Variants in PUDP observed in about 807,000 individuals in gnomAD.
PUDP encodes pseudouridine-5'-phosphatase.
Under a neutral mutation model 9.4 loss-of-function variants are expected in PUDP, and 8 were observed. The observed-to-expected ratio is 0.85, with a 90% CI of 0.50 to 1.53. PUDP has a LOEUF of 1.53. Among genes scored for constraint, PUDP ranks in the 40% most tolerant of loss-of-function variants. The pLI, the probability that PUDP is intolerant of heterozygous loss-of-function variation, is 0.00. For synonymous variants in PUDP, 99 were observed against 80.7 expected (o/e 1.23, Z -1.22); for missense variants, 188 against 189.7 (o/e 0.99, Z 0.05).
chrX:7,112,113 AAC>A (rs1198352439), intron 1 of PUDP, among the ~76,000 whole-genome samples: 2 of 111,939 alleles, frequency 1.8e-5, no homozygotes, highest in Non-Finnish European at 3.8e-5. Flanking sequence ...CAGAGGAACA[AAC>A]ACAGCCTCTG....
At chrX:6,869,318 A>T (rs1927137516) in intron 3 of PUDP, among the ~76,000 whole-genome samples, 1 of 112,015 alleles carries the variant, frequency 8.9e-6, no homozygotes, top group African/African-American at 3.2e-5. Context: ...CTGCTCCATG[A>T]TGTCTACGGC....
At chrX:6,884,668 G>A (rs777096364) in intron 3 of PUDP, among the ~76,000 whole-genome samples, 2 of 111,897 alleles carry the variant, frequency 1.8e-5, no homozygotes, top group African/African-American at 6.5e-5. Context: ...AACCGAAAGC[G>A]CTAAGCCCAG....
At chrX:6,759,073 T>C (rs955064844) in intron 3 of PUDP, among the ~76,000 whole-genome samples, 39 of 111,920 alleles carry the variant, frequency 3.5e-4, no homozygotes, top group African/African-American at 1.2e-3. Flanking sequence ...GGCTGTGAGC[T>C]TCCCTACTTA....
upstream of PUDP, among the ~76,000 whole-genome samples, chrX:6,725,040 G>A: frequency 8.9e-6 from 1 of 111,818 alleles, no homozygotes; most frequent in Non-Finnish European, 1.9e-5. Context: ...CCCATGGTCT[G>A]TAAACGCTTC....
At chrX:6,970,356 G>A (rs1260082412) in intron 3 of PUDP, among the ~76,000 whole-genome samples, 1 of 111,583 alleles carries the variant, frequency 9.0e-6, no homozygotes, top group African/African-American at 3.3e-5. Flanking sequence ...ATCTGCAAAG[G>A]GCCTTTTAAA....
At chrX:7,140,726 A>G (rs908644020) in intron 1 of PUDP, among the ~76,000 whole-genome samples, 12 of 111,963 alleles carry the variant, frequency 1.1e-4, no homozygotes, top group African/African-American at 3.9e-4. Context: ...TTATACAGGC[A>G]TATCTTATTT....
At chrX:6,982,509 G>A (rs1929049982) in intron 1 of PUDP, among the ~76,000 whole-genome samples, 1 of 109,118 alleles carries the variant, frequency 9.2e-6, no homozygotes, top group Non-Finnish European at 1.9e-5. Flanking sequence ...GTTGAGTCAC[G>A]GGTCCAGGTG....
At chrX:7,106,941 TC>T (rs1248816106) in intron 1 of PUDP, among the ~76,000 whole-genome samples, 1 of 110,460 alleles carries the variant, frequency 9.1e-6, no homozygotes, top group African/African-American at 3.3e-5. Flanking sequence ...CTGATGACAA[TC>T]CCCCCAAGGC....
intron 3 of PUDP, among the ~76,000 whole-genome samples, chrX:6,880,605 C>T (rs1177104414): frequency 8.9e-6 from 1 of 112,263 alleles, no homozygotes; most frequent in Non-Finnish European, 1.9e-5. Context: ...AATTACCAAT[C>T]TTACTCTATG....
chrX:7,006,350 G>A (rs761475006), intron 1 of PUDP, among the ~76,000 whole-genome samples: 1 of 111,742 alleles, frequency 8.9e-6, no homozygotes, highest in East Asian at 2.8e-4. Context: ...TTATTTTCCG[G>A]GGTTTTTGCT....
chrX:7,072,657 TA>T (rs200270413), intron 3 of PUDP, among the ~76,000 whole-genome samples: 2,502 of 108,185 alleles, frequency 0.023, 48 homozygotes, highest in African/African-American at 0.05. Flanking sequence ...CTACTAAAAA[TA>T]AAAAAATTAG....
At chrX:6,977,450 C>T (rs1465476355) in intron 2 of PUDP, among the ~76,000 whole-genome samples, 1 of 112,149 alleles carries the variant, frequency 8.9e-6, no homozygotes, top group Non-Finnish European at 1.9e-5. Flanking sequence ...TTGACATGTA[C>T]CTCTTCTAGT....
intron 2 of PUDP, among the ~76,000 whole-genome samples, chrX:7,096,136 C>T (rs1425416823): frequency 1.8e-5 from 2 of 111,591 alleles, no homozygotes; most frequent in Admixed American, 1.9e-4. Context: ...CAGGGATCCA[C>T]AGTGACAATT....
At chrX:7,136,215 C>G (rs1932737743) in intron 1 of PUDP, among the ~76,000 whole-genome samples, 1 of 111,935 alleles carries the variant, frequency 8.9e-6, no homozygotes, top group African/African-American at 3.3e-5. Context: ...CCCTCTGAAA[C>G]TGCTAGAGGT....
chrX:6,740,589 CTT>C (rs775894505), intron 3 of PUDP, among the ~76,000 whole-genome samples: 1,308 of 111,361 alleles, frequency 0.012, 10 homozygotes, highest in Non-Finnish European at 0.019. Context: ...ATTGTAATCA[CTT>C]TTTCCTTTTC....
intron 1 of PUDP, among the ~76,000 whole-genome samples, chrX:7,132,133 G>A (rs1484186916): frequency 1.8e-5 from 2 of 111,059 alleles, no homozygotes; most frequent in African/African-American, 6.6e-5. Context: ...CAGGGATGCT[G>A]TTGTATTCAT....
intron 1 of PUDP, among the ~76,000 whole-genome samples, chrX:6,711,575 A>T (rs1924532902): frequency 9.0e-6 from 1 of 111,254 alleles, no homozygotes; most frequent in Non-Finnish European, 1.9e-5. Flanking sequence ...GGGGAGGAGA[A>T]ATTCTAGTTT....
chrX:6,872,615 C>T (rs186128082), intron 3 of PUDP, among the ~76,000 whole-genome samples: 1 of 104,752 alleles, frequency 9.5e-6, no homozygotes, highest in African/African-American at 3.5e-5. Flanking sequence ...AGGAGAGTCA[C>T]TTGAATCCAG....
chrX:6,917,557 A>G (rs781099375), intron 3 of PUDP, among the ~76,000 whole-genome samples: 20 of 111,795 alleles, frequency 1.8e-4, no homozygotes, highest in African/African-American at 6.2e-4. Context: ...TTATCTAAAT[A>G]TAAAATAGGG....
Sources: allele counts gnomAD v4.1 joint callset (sites outside exome capture counted in the v4.1 genomes callset), GRCh38; gene constraint gnomAD v4.1.1; transcripts MANE v1.5; gene names NCBI Gene and HGNC (gene_info 2026-07-23, HGNC 2026-07-21).